GLYATL3: variants seen among roughly 807,000 people sequenced by gnomAD.
GLYATL3 encodes the protein glycine N-acyltransferase-like protein 3.
Under a neutral mutation model 28.5 loss-of-function variants are expected in GLYATL3, and 31 were observed. The ratio of observed to expected loss-of-function variants is 1.09; its 90% CI spans 0.82 to 1.47. GLYATL3 has a LOEUF of 1.47. Ranked by LOEUF, GLYATL3 falls within the 40% of genes most tolerant of loss-of-function variation. The probability of loss-of-function intolerance (pLI) is 0.00; values close to 1 mark genes in which losing one functional copy is unlikely to be tolerated. For synonymous variants in GLYATL3, 141 were observed against 140.2 expected, an observed-to-expected ratio of 1.01 and a Z score of -0.04; for missense variants, 369 against 351.5, an observed-to-expected ratio of 1.05 and a Z score of -0.40.
chr6:49,513,975 G>A (rs542540131), intron 2 of GLYATL3, among the ~76,000 whole-genome samples: 53 of 152,274 alleles, frequency 3.5e-4, no homozygotes, highest in Non-Finnish European at 4.9e-4. Context: ...GGAGGTAAAT[G>A]TAGGTTCCAA....
intron 2 of GLYATL3, among the ~76,000 whole-genome samples, chr6:49,514,886 A>AG (rs1184033275): frequency 6.6e-6 from 1 of 152,134 alleles, no homozygotes; most frequent in Non-Finnish European, 1.5e-5. Context: ...TGGATGACAG[A>AG]GTGAGATACT....
At chr6:49,515,859 T>C in intron 3 of GLYATL3, 99 bp downstream of exon 3, 1 of 633,002 alleles carries the variant, frequency 1.6e-6, no homozygotes, top group Non-Finnish European at 2.8e-6. Flanking sequence ...TACATTAGCT[T>C]ACAACACTGT....
chr6:49,506,457 G>T lies in GLYATL3; in HGVS notation c.-28-5506G>T, dbSNP rs1446364473. Among the ~76,000 whole-genome samples the T allele has an allele frequency of 2.6e-5, 4 of 152,128 alleles. No homozygotes were observed. In the East Asian group the frequency reaches 7.7e-4, roughly 29 times the overall value. ...GATATCTAGCTGCAGGAGCTGAATT[G>T]TTGATGGAAGGTATAGTGAAAGCAA... is the stretch of plus-strand genomic sequence containing the variant. On this transcript the variant is annotated intron_variant, in intron 1 of 5. Coordinates refer to ENST00000371197, the MANE Select transcript of GLYATL3 (RefSeq NM_001010904.2).
rs1769279624 is a variant in GLYATL3 at position 49,519,566 on chromosome 6, T to C, written c.313+2010T>C. On this transcript the variant is annotated intron_variant, in intron 4 of 5. Coordinates refer to ENST00000371197, the MANE Select transcript of GLYATL3 (RefSeq NM_001010904.2). ...AGGTCATAAATCCTCTCTGTTTCCA[T>C]AACACAATTCAAAAAGCCTACCTAC... Among the ~76,000 whole-genome samples the C allele has an allele frequency of 2.0e-5, 3 of 152,196 alleles. No homozygotes were observed. The South Asian group carries it at 6.2e-4, about 32-fold the overall frequency.
intron 3 of GLYATL3, 58 bp downstream of exon 3, chr6:49,515,818 G>A (rs1769205100): frequency 1.0e-6 from 1 of 954,722 alleles, no homozygotes; most frequent in Non-Finnish European, 1.7e-6. Flanking sequence ...GAAAAAGTAG[G>A]TAATGGTATT....
At chr6:49,505,393 G>C (rs1768993111) in intron 1 of GLYATL3, among the ~76,000 whole-genome samples, 2 of 152,186 alleles carry the variant, frequency 1.3e-5, no homozygotes, top group Admixed American at 6.5e-5. Context: ...CTGTAATGCA[G>C]AGATAACAGC....
intron 1 of GLYATL3, among the ~76,000 whole-genome samples, chr6:49,501,247 T>TA (rs35573693): frequency 0.23 from 34,616 of 151,722 alleles, 5,011 homozygotes; most frequent in Middle Eastern, 0.37. Context: ...ACTAAAAATA[T>TA]AAAAAAAACT....
Position 49,526,591 on chromosome 6 carries a change from G to A in GLYATL3, c.544G>A (p.Ala182Thr), listed in dbSNP as rs141499791. 71 of 1,551,744 alleles carry A rather than the reference G, an allele frequency of 4.6e-5. No homozygotes were observed. The highest frequency in any genetic ancestry group is 6.0e-5 in the Non-Finnish European group (69 of 1,147,012). ...CAATGAACAATGTCTCCGGTACATC[G>A]CCAACCTCATCTCCTGCTTCCCTAG... Reference protein sequence around the residue: ...GGNEQCLRYIANLISCFPSVC... With the variant: ...GGNEQCLRYITNLISCFPSVC... Residue 182 changes from alanine to threonine, a missense_variant, in exon 6 of 6, where the codon GCC (alanine) becomes ACC (threonine). Physicochemically the swap from Ala to Thr is moderately conservative, Grantham distance 58. Transcript: ENST00000371197.
intron 1 of GLYATL3, among the ~76,000 whole-genome samples, chr6:49,507,803 G>A (rs181530027): frequency 9.2e-5 from 14 of 152,218 alleles, no homozygotes; most frequent in Non-Finnish European, 1.6e-4. Context: ...GTCCAGGGGG[G>A]TCACCACCTT....
intron 1 of GLYATL3, among the ~76,000 whole-genome samples, 176 bp from the exon 2 acceptor site, chr6:49,511,787 C>T (rs1374499060): frequency 2.6e-5 from 4 of 152,190 alleles, no homozygotes; most frequent in Non-Finnish European, 4.4e-5. Flanking sequence ...TAACACTTCC[C>T]ATGTATTCTC....
chr6:49,526,242 C>T (rs1581874937), intron 5 of GLYATL3, among the ~76,000 whole-genome samples: 3 of 151,940 alleles, frequency 2.0e-5, no homozygotes, highest in East Asian at 3.9e-4. Context: ...CGTGAAATCC[C>T]GTCTCTACTA....
chr6:49,510,119 C>T (rs774098541), intron 1 of GLYATL3, among the ~76,000 whole-genome samples: 5 of 151,594 alleles, frequency 3.3e-5, no homozygotes, highest in African/African-American at 1.2e-4. Context: ...ACCACAACCT[C>T]GCAACCTCCG....
At chr6:49,500,894 A>G (rs1242626509) in intron 1 of GLYATL3, among the ~76,000 whole-genome samples, 2 of 152,212 alleles carry the variant, frequency 1.3e-5, no homozygotes, top group African/African-American at 4.8e-5. Context: ...TTGTGGCATT[A>G]AAAAAATTTC....
chr6:49,523,645 T>C (rs539319640), intron 5 of GLYATL3, among the ~76,000 whole-genome samples: 1 of 152,358 alleles, frequency 6.6e-6, no homozygotes, highest in East Asian at 1.9e-4. Flanking sequence ...TAGTCTTTTC[T>C]GCACATTCCC....
intron 2 of GLYATL3, 99 bp downstream of exon 2, chr6:49,512,167 A>G: frequency 3.4e-6 from 2 of 593,656 alleles, no homozygotes; most frequent in Non-Finnish European, 5.8e-6. Context: ...TGATAATAAG[A>G]CTCTCTAGGA....
chr6:49,501,546 T>C (rs1768913707), intron 1 of GLYATL3, among the ~76,000 whole-genome samples: 1 of 152,188 alleles, frequency 6.6e-6, no homozygotes, highest in Non-Finnish European at 1.5e-5. Context: ...TATGCAGAAG[T>C]ACAGTATACA....
In GLYATL3 at chr6:49,526,989, G is replaced by A; in HGVS notation, c.*75G>A. The A allele has an allele frequency of 9.1e-7, 1 of 1,104,050 alleles. No homozygotes were observed. The highest frequency in any genetic ancestry group is 1.3e-6 in the Non-Finnish European group (1 of 793,982). 68.4% of individuals were successfully genotyped at this position (1,104,050 alleles called of 1,614,324 possible). A position where few individuals can be genotyped will look rare whatever the true frequency, so the allele number is the denominator to read the frequency against. On this transcript the variant is annotated 3_prime_UTR_variant, in exon 6 of 6. Transcript: ENST00000371197. ...ACTCTTGGCTGCCAACGAGGGGAGA[G>A]TTAAAATGGGAATCAGGGGACTCTT...
At chr6:49,515,300 G>A (rs1167164870) in intron 2 of GLYATL3, among the ~76,000 whole-genome samples, 2 of 152,124 alleles carry the variant, frequency 1.3e-5, no homozygotes, top group South Asian at 2.1e-4. Context: ...TGAACCCTAA[G>A]AGCATATGTT....
chr6:49,501,848 C>T (rs1026314416), intron 1 of GLYATL3, among the ~76,000 whole-genome samples: 2 of 152,156 alleles, frequency 1.3e-5, no homozygotes, highest in South Asian at 2.1e-4. Flanking sequence ...ACCCCTCATT[C>T]GTCCATTTAT....
Sources: allele counts gnomAD v4.1 joint callset (sites outside exome capture counted in the v4.1 genomes callset), GRCh38; gene constraint gnomAD v4.1.1; transcripts MANE v1.5; gene names NCBI Gene and HGNC (gene_info 2026-07-23, HGNC 2026-07-21).